PRKN: variants seen among roughly 807,000 people sequenced by gnomAD.
PRKN encodes E3 ubiquitin-protein ligase parkin.
Under a neutral mutation model 59.5 loss-of-function variants are expected in PRKN, and 56 were observed. That is an observed-to-expected ratio of 0.94 (90% CI 0.76 to 1.18). The LOEUF is 1.18. PRKN is among the 50% of genes most tolerant of loss of function. PRKN has a pLI of 0.00. For synonymous variants in PRKN, 250 were observed against 222.1 expected (o/e 1.13, Z -1.12); for missense variants, 657 against 596.4 (o/e 1.10, Z -1.06).
intron 6 of PRKN, among the ~76,000 whole-genome samples, chr6:161,805,002 C>A (rs186177972): frequency 1.4e-4 from 21 of 152,334 alleles, no homozygotes; most frequent in Admixed American, 1.2e-3. Flanking sequence ...TGGCATCATT[C>A]AGACTATGAG....
chr6:162,358,304 G>C (rs1784962825), intron 2 of PRKN, among the ~76,000 whole-genome samples: 1 of 151,984 alleles, frequency 6.6e-6, no homozygotes, highest in South Asian at 2.1e-4. Flanking sequence ...TTTTTCACTT[G>C]CCATACTGAA....
At chr6:161,820,954 T>C (rs1791996903) in intron 6 of PRKN, among the ~76,000 whole-genome samples, 1 of 151,920 alleles carries the variant, frequency 6.6e-6, no homozygotes, top group African/African-American at 2.4e-5. Flanking sequence ...AAACTCTCTG[T>C]ACAGCGTGAT....
chr6:162,334,663 C>T (rs1783751725), intron 2 of PRKN, among the ~76,000 whole-genome samples: 1 of 152,198 alleles, frequency 6.6e-6, no homozygotes, highest in South Asian at 2.1e-4. Flanking sequence ...GCAATTTTAA[C>T]TTGCAAGTCT....
At chr6:162,091,036 A>G (rs548527614) in intron 4 of PRKN, among the ~76,000 whole-genome samples, 1 of 151,906 alleles carries the variant, frequency 6.6e-6, no homozygotes, top group South Asian at 2.1e-4. Flanking sequence ...CTCCCTTGGG[A>G]CCTCTTGAAA....
chr6:161,840,761 CA>C, intron 6 of PRKN, among the ~76,000 whole-genome samples: 1 of 152,246 alleles, frequency 6.6e-6, no homozygotes, highest in South Asian at 2.1e-4. Context: ...CAGCTCCACC[CA>C]TGTCCCTGCA....
chr6:162,326,559 A>C (rs1216550077), intron 2 of PRKN, among the ~76,000 whole-genome samples: 1 of 152,154 alleles, frequency 6.6e-6, no homozygotes. Context: ...GATTAGAAAC[A>C]TCTTACTTAA....
rs941737957 is a variant in PRKN, at chr6:161,576,094, T to C, written c.872-6678A>G. ...TGTGCTGAAGTAGCCATTTCTGAATTAGTCTGAGAGCCAGGCGTTAATAGG... is the reference window on the plus strand; with the variant it reads ...TGTGCTGAAGTAGCCATTTCTGAATCAGTCTGAGAGCCAGGCGTTAATAGG... On this transcript the variant is annotated intron_variant, in intron 7 of 11. Coordinates refer to ENST00000366898, the MANE Select transcript of PRKN (RefSeq NM_004562.3). The surrounding 1 kb of genome is among the most constrained non-coding windows in gnomAD (Gnocchi z 4.6). Among the ~76,000 whole-genome samples, 3 of 152,152 alleles carry C rather than the reference T, an allele frequency of 2.0e-5. No individual in the cohort carries two copies. The highest frequency in any genetic ancestry group is 7.2e-5 in the African/African-American group (3 of 41,432).
At chr6:162,640,114 G>A (rs1460541059) in intron 1 of PRKN, among the ~76,000 whole-genome samples, 2 of 152,052 alleles carry the variant, frequency 1.3e-5, no homozygotes, top group Non-Finnish European at 2.9e-5. Context: ...CTTCTGTGAA[G>A]CTGATGCTCT....
At chr6:161,771,366 AAAAAATAAAATAAAATAAAATAAAAT>A (rs1309094276) in intron 7 of PRKN, among the ~76,000 whole-genome samples, 8 of 118,966 alleles carry the variant, frequency 6.7e-5, no homozygotes, top group Non-Finnish European at 1.4e-4. Flanking sequence ...AAAAAAAAAA[AAAAAATAAAATAAAATAAAATAAAAT>A]AAAATAAAAG....
At chr6:162,565,427 T>C (rs886519964) in intron 1 of PRKN, among the ~76,000 whole-genome samples, 1 of 152,142 alleles carries the variant, frequency 6.6e-6, no homozygotes, top group African/African-American at 2.4e-5. Flanking sequence ...TCAATGTGTA[T>C]AATCCCGGCA....
At chr6:161,688,577 T>G (rs1360345442) in intron 7 of PRKN, among the ~76,000 whole-genome samples, 1 of 152,260 alleles carries the variant, frequency 6.6e-6, no homozygotes, top group Non-Finnish European at 1.5e-5. Context: ...GGGACTTTTC[T>G]TCTAGTGAGT....
chr6:162,656,279 T>C (rs372436682), intron 1 of PRKN, among the ~76,000 whole-genome samples: 25 of 152,328 alleles, frequency 1.6e-4, no homozygotes, highest in Non-Finnish European at 3.4e-4. Context: ...TTAAGTCAAA[T>C]TGTTGATCAT....
intron 1 of PRKN, among the ~76,000 whole-genome samples, chr6:162,647,085 T>G (rs888971614): frequency 6.6e-6 from 1 of 152,086 alleles, no homozygotes; most frequent in Admixed American, 6.6e-5. Flanking sequence ...TAAAAGCTTC[T>G]TCCCCTTCCC....
chr6:162,476,214 C>T (rs900814174), intron 1 of PRKN, among the ~76,000 whole-genome samples: 3 of 152,224 alleles, frequency 2.0e-5, no homozygotes, highest in African/African-American at 4.8e-5. Flanking sequence ...TGTGCCACCA[C>T]GCCCTACTTA....
Position 162,627,974 on chromosome 6 carries a change from G to A in PRKN, c.7+99688C>T, listed in dbSNP as rs140045500. On this transcript the variant is annotated intron_variant, in intron 1 of 11. Coordinates refer to ENST00000366898, the MANE Select transcript of PRKN (RefSeq NM_004562.3). ...GACATCAAACCACTCGGTATCACTC[G>A]AGTGATAGAGCCAATGAACATGGGC... Among the ~76,000 whole-genome samples the A allele has an allele frequency of 9.2e-4, 140 of 152,200 alleles. 1 individual carries two copies. The highest frequency in any genetic ancestry group is 3.4e-3 in the Middle Eastern group (1 of 294).
intron 4 of PRKN, among the ~76,000 whole-genome samples, chr6:162,186,488 G>T (rs951124407): frequency 6.6e-6 from 1 of 151,406 alleles, no homozygotes; most frequent in Non-Finnish European, 1.5e-5. Context: ...TGATTTCTTT[G>T]TGGAAGAAAA....
intron 4 of PRKN, among the ~76,000 whole-genome samples, chr6:162,162,168 C>G (rs1464019620): frequency 5.3e-5 from 8 of 152,110 alleles, no homozygotes; most frequent in African/African-American, 1.7e-4. Context: ...CAGCAACCTC[C>G]ACCTCCCAGG....
intron 2 of PRKN, among the ~76,000 whole-genome samples, chr6:162,369,409 C>A (rs1785626323): frequency 6.6e-6 from 1 of 152,084 alleles, no homozygotes; most frequent in Non-Finnish European, 1.5e-5. Flanking sequence ...GATAACAGTG[C>A]CATAAATCTA....
intron 7 of PRKN, among the ~76,000 whole-genome samples, chr6:161,649,502 A>G (rs533385336): frequency 2.0e-5 from 3 of 152,336 alleles, no homozygotes; most frequent in African/African-American, 7.2e-5. Flanking sequence ...CCAATGGCTG[A>G]CAAGCATTTG....
Sources: gnomAD v4.1 joint callset for allele counts (sites outside exome capture counted in the v4.1 genomes callset) on GRCh38, gnomAD v4.1.1 for gene constraint, Gnocchi (gnomAD v3.1) non-coding constraint, MANE v1.5 for transcripts, NCBI Gene and HGNC (gene_info 2026-07-23, HGNC 2026-07-21) for gene names.